Variants in THSD4 observed in about 807,000 individuals in gnomAD.
THSD4 encodes thrombospondin type-1 domain-containing protein 4.
Under a neutral mutation model 119.0 loss-of-function variants are expected in THSD4, and 69 were observed. The ratio of observed to expected loss-of-function variants is 0.58; its 90% confidence interval spans 0.48 to 0.71. The LOEUF is 0.71. Ranked by LOEUF, THSD4 falls within the 30% of genes least tolerant of loss-of-function variation. The probability of loss-of-function intolerance (pLI) is 0.00; values close to 1 mark genes in which losing one functional copy is unlikely to be tolerated. For synonymous variants in THSD4, 524 were observed against 540.4 expected, an observed-to-expected ratio of 0.97 and a Z score of 0.42; for missense variants, 1,393 against 1,391.1, an observed-to-expected ratio of 1.00 and a Z score of -0.02.
intron 14 of THSD4, among the ~76,000 whole-genome samples, chr15:71,755,287 A>G (rs1424125612): frequency 6.6e-6 from 1 of 152,254 alleles, no homozygotes; most frequent in Non-Finnish European, 1.5e-5. Flanking sequence ...TTAGCAGTGG[A>G]AAGGTAAATG....
At chr15:71,332,923 T>G (rs2045445022) in intron 6 of THSD4, among the ~76,000 whole-genome samples, 1 of 144,866 alleles carries the variant, frequency 6.9e-6, no homozygotes, top group South Asian at 2.2e-4. Context: ...CATCAGCTAT[T>G]GTTAGTGTTA....
Position 71,716,561 on chromosome 15 carries a change from G to GGTGTGTGTGTGTGTGTGT in THSD4, c.1358-11985_1358-11968dup, listed in dbSNP as rs57999390. 3.5e-3 allele frequency among the ~76,000 whole-genome samples: 513 copies of GGTGTGTGTGTGTGTGTGT among 144,608 alleles called. 4 individuals carry two copies. Among genetic ancestry groups the GGTGTGTGTGTGTGTGTGT allele is most frequent in the African/African-American group, 7.7e-3 (303 of 39,278 alleles). 94.9% of individuals were successfully genotyped at this position (144,608 alleles called of 152,430 possible). The stretch of plus-strand genomic sequence containing the variant: ...TTCCTGTTTGTTTTATAGAGTGTGG[G>GGTGTGTGTGTGTGTGTGT]GTGTGTGTGTGTGTGTGTGTTGGTT... On this transcript the variant is annotated intron_variant, in intron 8 of 17. Coordinates refer to ENST00000261862, the MANE Select transcript of THSD4 (RefSeq NM_024817.3).
At chr15:71,602,214 CTT>C (rs2050023873) in intron 7 of THSD4, among the ~76,000 whole-genome samples, 1 of 152,060 alleles carries the variant, frequency 6.6e-6, no homozygotes, top group South Asian at 2.1e-4. Context: ...CTGTTAGCAA[CTT>C]ATTATAGTCC....
intron 7 of THSD4, among the ~76,000 whole-genome samples, chr15:71,475,159 C>G (rs186122190): frequency 4.6e-4 from 70 of 152,306 alleles, no homozygotes; most frequent in South Asian, 2.9e-3. Flanking sequence ...AATCCCTTTA[C>G]GAAGCCAGCC....
At chr15:71,189,294 T>C (rs768924262) in intron 3 of THSD4, among the ~76,000 whole-genome samples, 4 of 152,172 alleles carry the variant, frequency 2.6e-5, no homozygotes, top group Non-Finnish European at 5.9e-5. Context: ...GTTGAGGAAA[T>C]GAAACCAACA....
chr15:71,298,556 A>AGATATTTCC (rs2044897935), intron 6 of THSD4, among the ~76,000 whole-genome samples: 1 of 147,252 alleles, frequency 6.8e-6, no homozygotes, highest in Non-Finnish European at 1.5e-5. Flanking sequence ...TCCCCCCCTT[A>AGATATTTCC]GATATTTCCC....
intron 3 of THSD4, among the ~76,000 whole-genome samples, chr15:71,193,294 T>C (rs1596260679): frequency 6.6e-6 from 1 of 152,064 alleles, no homozygotes; most frequent in Non-Finnish European, 1.5e-5. Flanking sequence ...GTGATTGGGG[T>C]GGTGGTAGAG....
chr15:71,148,753 T>C (rs2040690176), intron 2 of THSD4, among the ~76,000 whole-genome samples: 2 of 152,186 alleles, frequency 1.3e-5, no homozygotes, highest in African/African-American at 4.8e-5. Flanking sequence ...TAAAAATGTG[T>C]TGTGTCCTAA....
At chr15:71,299,971 A>AT (rs1567186674) in intron 6 of THSD4, among the ~76,000 whole-genome samples, 9 of 107,268 alleles carry the variant, frequency 8.4e-5, no homozygotes, top group South Asian at 3.5e-4. Flanking sequence ...AAAAAAAAAA[A>AT]AAAAAATATA....
chr15:71,219,324 G>C (rs56165463), intron 4 of THSD4, among the ~76,000 whole-genome samples: 24,599 of 152,226 alleles, frequency 0.16, 2,178 homozygotes, highest in Middle Eastern at 0.25. Flanking sequence ...GCACTGGTCT[G>C]GATGAAGCTC....
intron 7 of THSD4, among the ~76,000 whole-genome samples, chr15:71,641,012 C>CACACACACTT (rs1402853406): frequency 6.8e-6 from 1 of 148,084 alleles, no homozygotes; most frequent in African/African-American, 2.5e-5. Context: ...CACACACACA[C>CACACACACTT]ACTTACACAC....
At chr15:71,489,640 A>G (rs1008599536) in intron 7 of THSD4, among the ~76,000 whole-genome samples, 4 of 152,152 alleles carry the variant, frequency 2.6e-5, no homozygotes, top group Admixed American at 6.5e-5. Flanking sequence ...CCTCTGGAGA[A>G]AATTTGTTTT....
At chr15:71,498,641 C>G (rs1013250748) in intron 7 of THSD4, among the ~76,000 whole-genome samples, 1 of 152,124 alleles carries the variant, frequency 6.6e-6, no homozygotes, top group East Asian at 1.9e-4. Context: ...CCCTCTCTGC[C>G]TCTGGTTTCT....
intron 7 of THSD4, among the ~76,000 whole-genome samples, chr15:71,431,831 A>G (rs1187840605): frequency 3.3e-5 from 5 of 152,234 alleles, no homozygotes; most frequent in African/African-American, 1.2e-4. Context: ...GTCATAGCCT[A>G]TAATTTATGT....
Position 71,777,381 on chromosome 15 carries a change from T to C in THSD4, c.*7T>C. ...CTTCCTGGGGAGCAGATAACACTCCTGCACCCCCATCAGTAGGGCAGCATC... is the reference window on the plus strand; with the variant it reads ...CTTCCTGGGGAGCAGATAACACTCCCGCACCCCCATCAGTAGGGCAGCATC... On this transcript the variant is annotated 3_prime_UTR_variant, in exon 18 of 18. Transcript: ENST00000261862. 6.2e-7 allele frequency: 1 copy of C among 1,612,310 alleles called. No individual in the cohort carries two copies. The highest frequency in any genetic ancestry group is 8.5e-7 in the Non-Finnish European group (1 of 1,179,524).
At chr15:71,226,665 G>A (rs182555229) in intron 4 of THSD4, among the ~76,000 whole-genome samples, 9 of 152,320 alleles carry the variant, frequency 5.9e-5, no homozygotes, top group African/African-American at 2.2e-4. Flanking sequence ...TGCTGGATAG[G>A]AAAACTTGCT....
At chr15:71,172,011 A>G (rs2043370006) in intron 3 of THSD4, 1 of 152,220 alleles carries the variant, frequency 6.6e-6, no homozygotes, top group Non-Finnish European at 1.5e-5. Context: ...GAAGCATTTT[A>G]GCTTATATGC....
intron 6 of THSD4, among the ~76,000 whole-genome samples, chr15:71,348,945 C>G (rs2045705761): frequency 6.6e-6 from 1 of 152,236 alleles, no homozygotes; most frequent in Non-Finnish European, 1.5e-5. Context: ...AATCTACTCT[C>G]CTTTGAAGTT....
intron 7 of THSD4, among the ~76,000 whole-genome samples, chr15:71,553,574 G>A (rs561110946): frequency 1.4e-4 from 22 of 152,204 alleles, no homozygotes; most frequent in African/African-American, 5.3e-4. Flanking sequence ...TGATCCACCC[G>A]CCTTGAACTC....
Sources: gnomAD v4.1 joint callset for allele counts (sites outside exome capture counted in the v4.1 genomes callset) on GRCh38, gnomAD v4.1.1 for gene constraint, MANE v1.5 for transcripts, NCBI Gene and HGNC (gene_info 2026-07-23, HGNC 2026-07-21) for gene names.